The following NPSR1 variants were observed in gnomAD, a reference collection of about 807,000 sequenced individuals.
NPSR1 encodes neuropeptide S receptor.
In NPSR1, 48 loss-of-function variants were observed where a neutral mutation model predicts 46.9. The observed-to-expected ratio is 1.02, with a 90% CI of 0.81 to 1.30. The LOEUF (loss-of-function observed/expected upper bound fraction) is 1.30. Among genes scored for constraint, NPSR1 ranks in the 50% most tolerant of loss-of-function variants. The pLI, the probability that NPSR1 is intolerant of heterozygous loss-of-function variation, is 0.00. For missense variants in NPSR1, 450 were observed against 449.5 expected, an observed-to-expected ratio of 1.00 and a Z score of -0.01; for synonymous variants, 176 against 168.1, an observed-to-expected ratio of 1.05 and a Z score of -0.36.
At chr7:34,874,824 T>C (rs1791539490) in intron 8 of NPSR1, among the ~76,000 whole-genome samples, 1 of 152,182 alleles carries the variant, frequency 6.6e-6, no homozygotes, top group Non-Finnish European at 1.5e-5. Context: ...GCAGGCCATG[T>C]TGGTTCCCTT....
intron 2 of NPSR1, among the ~76,000 whole-genome samples, chr7:34,724,688 G>A (rs543515350): frequency 6.0e-4 from 91 of 152,240 alleles, no homozygotes; most frequent in African/African-American, 2.1e-3. Context: ...CCAGCTCTAT[G>A]TCTAATGAGC....
chr7:34,804,048 T>A (rs971757704), intron 3 of NPSR1, among the ~76,000 whole-genome samples: 1 of 152,072 alleles, frequency 6.6e-6, no homozygotes. Flanking sequence ...GATGGGTTCA[T>A]TAGTGAATTC....
intron 3 of NPSR1, among the ~76,000 whole-genome samples, chr7:34,782,235 G>A (rs1787260872): frequency 6.6e-6 from 1 of 152,134 alleles, no homozygotes; most frequent in Admixed American, 6.6e-5. Context: ...ATCTCTCCAT[G>A]TGAGCCCATG....
chr7:34,784,855 GGC>G (rs1787389120), intron 3 of NPSR1, among the ~76,000 whole-genome samples: 1 of 152,054 alleles, frequency 6.6e-6, no homozygotes, highest in Non-Finnish European at 1.5e-5. Flanking sequence ...CAGTTAGAAT[GGC>G]AATCATTAAA....
At chr7:34,770,296 A>G (rs187553485) in intron 2 of NPSR1, among the ~76,000 whole-genome samples, 1 of 152,178 alleles carries the variant, frequency 6.6e-6, no homozygotes, top group Non-Finnish European at 1.5e-5. Context: ...TATTTGATCA[A>G]TCACAACTCA....
At chr7:34,858,867 G>A (rs895895201) in intron 8 of NPSR1, among the ~76,000 whole-genome samples, 12 of 151,814 alleles carry the variant, frequency 7.9e-5, no homozygotes, top group African/African-American at 2.9e-4. Context: ...AGATCTGGGG[G>A]GGGGACACAG....
intron 2 of NPSR1, among the ~76,000 whole-genome samples, chr7:34,749,905 T>C (rs1437555461): frequency 2.0e-5 from 3 of 152,222 alleles, no homozygotes; most frequent in Admixed American, 6.5e-5. Flanking sequence ...TATCCAATAT[T>C]GTTCCTGGAC....
chr7:34,744,755 G>A (rs929742837), intron 2 of NPSR1, among the ~76,000 whole-genome samples: 2 of 152,122 alleles, frequency 1.3e-5, no homozygotes, highest in Admixed American at 6.5e-5. Context: ...CTATGACATT[G>A]TTTGACAAGG....
intron 1 of NPSR1, among the ~76,000 whole-genome samples, chr7:34,667,889 A>G (rs886952696): frequency 1.6e-4 from 24 of 152,046 alleles, no homozygotes; most frequent in African/African-American, 5.6e-4. Context: ...TTCTTTCTTC[A>G]ATAAACTGAT....
chr7:34,680,097 A>G (rs1245565452), intron 1 of NPSR1, among the ~76,000 whole-genome samples: 1 of 152,182 alleles, frequency 6.6e-6, no homozygotes, highest in Non-Finnish European at 1.5e-5. Flanking sequence ...GATTTTATGC[A>G]TAACAAGAAT....
At chr7:34,826,759 A>G (rs1465781604) in intron 4 of NPSR1, among the ~76,000 whole-genome samples, 3 of 152,172 alleles carry the variant, frequency 2.0e-5, no homozygotes, top group Non-Finnish European at 4.4e-5. Context: ...CAAGGTCAGA[A>G]TATTGCAACT....
chr7:34,714,954 A>C (rs1456095571), intron 2 of NPSR1, among the ~76,000 whole-genome samples: 2 of 152,158 alleles, frequency 1.3e-5, no homozygotes, highest in African/African-American at 4.8e-5. Flanking sequence ...AAGAAACACC[A>C]CCCCACATCC....
At chr7:34,706,654 C>T (rs1794127869) in intron 2 of NPSR1, among the ~76,000 whole-genome samples, 1 of 152,050 alleles carries the variant, frequency 6.6e-6, no homozygotes, top group African/African-American at 2.4e-5. Context: ...CTTATTATCT[C>T]GTCTTTCACC....
intron 8 of NPSR1, among the ~76,000 whole-genome samples, chr7:34,857,715 T>C (rs1413346934): frequency 2.0e-5 from 3 of 151,622 alleles, no homozygotes; most frequent in South Asian, 2.1e-4. Flanking sequence ...TATTTAAAAG[T>C]AGAAATTTCT....
intron 2 of NPSR1, among the ~76,000 whole-genome samples, chr7:34,689,980 G>A (rs929176121): frequency 3.2e-4 from 49 of 150,864 alleles, no homozygotes; most frequent in African/African-American, 1.2e-3. Context: ...GAAAAGAAAA[G>A]AAATCTGATG....
At chr7:34,709,168 A>C (rs760063076) in intron 2 of NPSR1, among the ~76,000 whole-genome samples, 3 of 152,130 alleles carry the variant, frequency 2.0e-5, no homozygotes, top group Non-Finnish European at 2.9e-5. Flanking sequence ...CGGCCTCATT[A>C]CGTTTCTCAG....
At position 34,840,039 on chromosome 7, in the gene NPSR1, C is replaced by T. The variant is rs368762487; in HGVS notation, c.758-4857C>T. 3.3e-5 allele frequency among the ~76,000 whole-genome samples: 5 copies of T among 152,226 alleles called. No individual in the cohort carries two copies. The East Asian group carries it at 7.7e-4, about 24-fold the overall frequency. On this transcript the variant is annotated intron_variant, in intron 6 of 8. Coordinates refer to ENST00000360581, the MANE Select transcript of NPSR1 (RefSeq NM_207172.2). ...TAGGTTGTCAGGGCTCCTGCTTCTG[C>T]TTGAGCTGAGGTGCTGAGGTATAGA... is the stretch of plus-strand genomic sequence containing the variant.
intron 1 of NPSR1, among the ~76,000 whole-genome samples, chr7:34,676,671 G>GT (rs1792330478): frequency 2.0e-5 from 3 of 152,174 alleles, no homozygotes; most frequent in Admixed American, 1.3e-4. Context: ...CACTCTACCT[G>GT]TTTTATTCTC....
chr7:34,789,740 CAAAAAAAAAAAAAAA>C (rs751424409), intron 3 of NPSR1, among the ~76,000 whole-genome samples: 1 of 45,348 alleles, frequency 2.2e-5, no homozygotes, highest in South Asian at 9.0e-4. Context: ...TTGCAGTGCG[CAAAAAAAAAAAAAAA>C]AAAAAAAAAT....
Sources: allele counts gnomAD v4.1 joint callset (sites outside exome capture counted in the v4.1 genomes callset), GRCh38; gene constraint gnomAD v4.1.1; transcripts MANE v1.5; gene names NCBI Gene and HGNC (gene_info 2026-07-23, HGNC 2026-07-21).